Variants in PTDSS2 observed in about 807,000 individuals in gnomAD.
PTDSS2 encodes PSS-2.
A neutral mutation model predicts 64.7 loss-of-function variants in PTDSS2; 41 were observed. That is an observed-to-expected ratio of 0.63 (90% CI 0.49 to 0.82). The LOEUF (loss-of-function observed/expected upper bound fraction) is 0.82. Among genes scored for constraint, PTDSS2 ranks in the 40% least tolerant of loss-of-function variants. PTDSS2 has a pLI of 0.00. For synonymous variants in PTDSS2, 297 were observed against 277.8 expected, an observed-to-expected ratio of 1.07 and a Z score of -0.69; for missense variants, 485 against 650.0, an observed-to-expected ratio of 0.75 and a Z score of 2.76.
At chr11:473,803 C>A in intron 2 of PTDSS2, 92 bp from the exon 3 acceptor site, 1 of 987,228 alleles carries the variant, frequency 1.0e-6, no homozygotes, top group South Asian at 1.3e-5. Flanking sequence ...GGGGCTGTTC[C>A]ACAATGGGTG....
At position 489,970 on chromosome 11, in the gene PTDSS2, C is replaced by T; in HGVS notation, c.1203C>T (p.Pro401=). ...TELLIVVKYD[P]HTLTLSLPFY... ...TGCTCATCGTGGTGAAGTACGACCCCCACACGCTCACCCTGTCCCTGCCCT... is the reference window on the plus strand; with the variant it reads ...TGCTCATCGTGGTGAAGTACGACCCTCACACGCTCACCCTGTCCCTGCCCT... The change falls in exon 11 of 12, where the codon CCC becomes CCT. Residue 401 remains proline, a synonymous_variant. Coordinates refer to ENST00000308020, the MANE Select transcript of PTDSS2 (RefSeq NM_030783.3). 6.2e-7 allele frequency: 1 copy of T among 1,612,132 alleles called. No homozygotes were observed. The highest frequency in any genetic ancestry group is 8.5e-7 in the Non-Finnish European group (1 of 1,179,928).
At chr11:468,095 C>T (rs1847225526) in intron 2 of PTDSS2, among the ~76,000 whole-genome samples, 1 of 152,144 alleles carries the variant, frequency 6.6e-6, no homozygotes, top group South Asian at 2.1e-4. Context: ...AGCCACTGCA[C>T]TGCAGCCTGG....
In PTDSS2 at chr11:470,303, G is replaced by T. The variant is rs896716094; in HGVS notation, c.285-3592G>T. On this transcript the variant is annotated intron_variant, in intron 2 of 11. Transcript: ENST00000308020. The surrounding 1 kb of genome is among the most constrained non-coding windows in gnomAD (Gnocchi z 5.3). Reference sequence around the variant, plus strand: ...CATCCTCCCAACCCCGACGACCCCAGCCCGGCCATGCAGAGGCATAGTCGA... The same window carrying T: ...CATCCTCCCAACCCCGACGACCCCATCCCGGCCATGCAGAGGCATAGTCGA... Among the ~76,000 whole-genome samples, 2 of 152,210 alleles carry T rather than the reference G, an allele frequency of 1.3e-5. No homozygotes were observed. Among genetic ancestry groups the T allele is most frequent in the Admixed American group, 1.3e-4 (2 of 15,286 alleles).
rs148260738 is a variant in PTDSS2 at position 489,412 on chromosome 11, G to A, written c.867G>A (p.Lys289=). ...WNIPTYKGKM[K]RIAFQFTPYS... ...CTGTGGTTCCCAGGGGCAAGATGAA[G>A]AGGATCGCCTTCCAGTTCACGCCGT... Residue 289 remains lysine (K), a synonymous_variant, in exon 9 of 12, where the codon AAG becomes AAA. Transcript: ENST00000308020. 22 of 1,613,168 alleles carry A rather than the reference G, an allele frequency of 1.4e-5. No homozygotes were observed. Among genetic ancestry groups the A allele is most frequent in the Non-Finnish European group, 1.9e-5 (22 of 1,179,776 alleles).
Position 489,999 on chromosome 11 carries a change from A to G in PTDSS2, c.1232A>G (p.Tyr411Cys), listed in dbSNP as rs11539812. Reference sequence around the variant, plus strand: ...ACGCTCACCCTGTCCCTGCCCTTCTACATCTCCCAGTGCTGGACCCTCGGC... The same window carrying G: ...ACGCTCACCCTGTCCCTGCCCTTCTGCATCTCCCAGTGCTGGACCCTCGGC... ...PHTLTLSLPFYISQCWTLGSV... is the reference protein window; with the variant it reads ...PHTLTLSLPFCISQCWTLGSV... Residue 411 changes from tyrosine (Y) to cysteine (C), a missense_variant, in exon 11 of 12, where the codon TAC becomes TGC. Physicochemically the swap from Tyr to Cys is radical, Grantham distance 194. This residue lies in a region of PTDSS2 where 219 missense variants were observed against 257.3 expected (regional missense o/e 0.85). Coordinates refer to ENST00000308020, the MANE Select transcript of PTDSS2 (RefSeq NM_030783.3). 6 of 1,612,218 alleles carry G rather than the reference A, an allele frequency of 3.7e-6. No individual in the cohort carries two copies. In the East Asian group the frequency reaches 1.1e-4, roughly 30 times the overall value.
intron 3 of PTDSS2, among the ~76,000 whole-genome samples, chr11:474,366 G>A (rs1460725302): frequency 6.7e-6 from 1 of 148,774 alleles, no homozygotes; most frequent in Non-Finnish European, 1.5e-5. Context: ...GGCTCTAGGT[G>A]GGACTCTGAG....
At position 460,159 on chromosome 11, in the gene PTDSS2, A is replaced by G. The variant is rs1217968665; in HGVS notation, c.183-28A>G. The stretch of plus-strand genomic sequence containing the variant: ...TTAGCAATGCTGCCCAAGCTCTGAC[A>G]CCATGCTTATGCGTTTTTGGATTTC... On this transcript the variant is annotated intron_variant, in intron 1 of 11. Coordinates refer to ENST00000308020, the MANE Select transcript of PTDSS2 (RefSeq NM_030783.3). This position sits in a 1 kb window ranked among gnomAD's most constrained non-coding sequence, Gnocchi z 5.8. 2 of 1,584,128 alleles carry G rather than the reference A, an allele frequency of 1.3e-6. No homozygotes were observed. Among genetic ancestry groups the G allele is most frequent in the Admixed American group, 1.7e-5 (1 of 59,876 alleles).
In PTDSS2 at chr11:479,473, A is replaced by C; in HGVS notation, c.435+321A>C. 1 of 441,392 alleles carries C rather than the reference A, an allele frequency of 2.3e-6. No individual in the cohort carries two copies. The highest frequency in any genetic ancestry group is 2.3e-5 in the South Asian group (1 of 43,400). 27.3% of individuals were successfully genotyped at this position (441,392 alleles called of 1,614,324 possible). On this transcript the variant is annotated intron_variant, in intron 4 of 11. Coordinates refer to ENST00000308020, the MANE Select transcript of PTDSS2 (RefSeq NM_030783.3). The surrounding 1 kb of genome is among the most constrained non-coding windows in gnomAD (Gnocchi z 4.2). Reference sequence around the variant, plus strand: ...GGCAGGGCCAGTGGTGCAGGCACAGAAGAGGGCAGGGCCAGTGGTGCAGCT... The same window carrying C: ...GGCAGGGCCAGTGGTGCAGGCACAGCAGAGGGCAGGGCCAGTGGTGCAGCT...
At chr11:490,313 C>T (rs1403614202) in intron 11 of PTDSS2, 107 bp from the exon 12 acceptor site, 3 of 1,497,078 alleles carry the variant, frequency 2.0e-6, no homozygotes, top group African/African-American at 2.8e-5. Context: ...ACCCGGCACC[C>T]ACCCAGTCCA....
chr11:466,465 G>A (rs1016982174), intron 2 of PTDSS2, among the ~76,000 whole-genome samples: 13 of 150,584 alleles, frequency 8.6e-5, no homozygotes, highest in Non-Finnish European at 1.8e-4. Context: ...GAGTGCAGTG[G>A]CATGATCTTG....
chr11:452,702 C>T (rs750696941), intron 1 of PTDSS2, among the ~76,000 whole-genome samples: 9 of 152,096 alleles, frequency 5.9e-5, no homozygotes, highest in Non-Finnish European at 1.2e-4. Flanking sequence ...GTGCCTCCTC[C>T]CTTCCCTGTG....
In PTDSS2 at chr11:474,473, G is replaced by A. The variant is rs1318940824; in HGVS notation, c.367+496G>A. ...CAGATGGGGCTGTGAGGCCATGGGCGGGTGGGTGAGGGCTCCAGATGGAGC... is the reference window on the plus strand; with the variant it reads ...CAGATGGGGCTGTGAGGCCATGGGCAGGTGGGTGAGGGCTCCAGATGGAGC... On this transcript the variant is annotated intron_variant, in intron 3 of 11. Transcript: ENST00000308020. 2.6e-5 allele frequency among the ~76,000 whole-genome samples: 4 copies of A among 151,006 alleles called. No homozygotes were observed. In the East Asian group the frequency reaches 5.8e-4, roughly 22 times the overall value.
chr11:486,596 T>A (rs1272605713), intron 4 of PTDSS2, among the ~76,000 whole-genome samples: 2 of 151,992 alleles, frequency 1.3e-5, no homozygotes, highest in Non-Finnish European at 2.9e-5. Flanking sequence ...TAATCCCAGC[T>A]CTTTGGGAGG....
At chr11:488,065 G>A (rs112634074) in intron 6 of PTDSS2, 134 bp from the exon 7 acceptor site, 15 of 578,364 alleles carry the variant, frequency 2.6e-5, no homozygotes, top group African/African-American at 1.2e-4. Flanking sequence ...GGGGCTGCAC[G>A]CACCCGTGGG....
intron 1 of PTDSS2, chr11:451,348 C>A (rs1441717779): frequency 2.3e-6 from 1 of 442,684 alleles, no homozygotes; most frequent in Non-Finnish European, 4.6e-6. Flanking sequence ...CACTCTGTGT[C>A]CAGACAGGCT....
chr11:450,668 A>G, intron 1 of PTDSS2, 31 bp downstream of exon 1: 1 of 1,241,858 alleles, frequency 8.1e-7, no homozygotes, highest in Non-Finnish European at 1.0e-6. Context: ...CGGGGCGGCG[A>G]GGGTGCCCTC....
rs1453450102 is a variant in PTDSS2, at chr11:488,294, C to T, written c.717C>T (p.Ser239=). The change falls in exon 7 of 12, where the codon AGC becomes AGT. Residue 239 remains serine, a synonymous_variant. Transcript: ENST00000308020. ...TGGAGCACCAGCTGCCCAACTTCAGCGAGTGCTGGTGGGATCACGTAGGTG... is the reference window on the plus strand; with the variant it reads ...TGGAGCACCAGCTGCCCAACTTCAGTGAGTGCTGGTGGGATCACGTAGGTG... ...YSLEHQLPNF[S]ECWWDHWIMD... 2 of 1,612,600 alleles carry T rather than the reference C, an allele frequency of 1.2e-6. No individual in the cohort carries two copies. The highest frequency in any genetic ancestry group is 1.7e-6 in the Non-Finnish European group (2 of 1,179,406).
intron 2 of PTDSS2, among the ~76,000 whole-genome samples, chr11:466,798 CT>C (rs1006896075): frequency 2.6e-5 from 4 of 152,212 alleles, no homozygotes; most frequent in Admixed American, 6.5e-5. Flanking sequence ...AACCCAGTCA[CT>C]TCCCTCCCTC....
intron 1 of PTDSS2, chr11:451,267 C>T (rs1187804197): frequency 2.6e-6 from 1 of 381,682 alleles, no homozygotes; most frequent in Non-Finnish European, 5.5e-6. Flanking sequence ...ACCTTGGGGT[C>T]CCCCTGTCCG....
Sources: allele counts gnomAD v4.1 joint callset (sites outside exome capture counted in the v4.1 genomes callset), GRCh38; gene constraint gnomAD v4.1.1; regional missense constraint gnomAD v4.1.1; non-coding constraint Gnocchi (gnomAD v3.1); transcripts MANE v1.5; gene names NCBI Gene and HGNC (gene_info 2026-07-23, HGNC 2026-07-21).